The following ZNF727 variants were observed in gnomAD, a reference collection of about 807,000 sequenced individuals.
ZNF727 encodes zinc finger protein 727, also known as putative zinc finger protein 727.
Under a neutral mutation model 11.5 loss-of-function variants are expected in ZNF727, and 11 were observed. The observed-to-expected ratio is 0.95, with a 90% CI of 0.60 to 1.58. ZNF727 has a LOEUF of 1.58. ZNF727 is among the 40% of genes most tolerant of loss of function. The probability of loss-of-function intolerance (pLI) is 0.00; values close to 1 mark genes in which losing one functional copy is unlikely to be tolerated. For missense variants in ZNF727, 533 were observed against 581.7 expected (o/e 0.92, Z 0.86); for synonymous variants, 171 against 196.1 (o/e 0.87, Z 1.07).
intron 1 of ZNF727, among the ~76,000 whole-genome samples, chr7:64,054,281 G>T (rs1403383242): frequency 6.6e-6 from 1 of 152,208 alleles, no homozygotes; most frequent in Non-Finnish European, 1.5e-5. Flanking sequence ...AGGAGAGAAA[G>T]ATGAGGTTGC....
chr7:64,082,840 C>T lies in ZNF727; in HGVS notation c.*4291C>T, dbSNP rs1785813798. ...GATGTTGCTGTGAGCGGAGATTGTG[C>T]CACTGCACTCCAGCCTGGTGAGAGA... On this transcript the variant is annotated 3_prime_UTR_variant, in exon 4 of 4. Transcript: ENST00000456806. 6.6e-6 allele frequency among the ~76,000 whole-genome samples: 1 copy of T among 151,438 alleles called. No homozygotes were observed. The highest frequency in any genetic ancestry group is 2.1e-4 in the South Asian group (1 of 4,806).
At chr7:64,054,410 C>T (rs1321936846) in intron 1 of ZNF727, among the ~76,000 whole-genome samples, 2 of 152,194 alleles carry the variant, frequency 1.3e-5, no homozygotes, top group Non-Finnish European at 2.9e-5. Flanking sequence ...TCCCTACAGG[C>T]ACATAGAGGT....
At chr7:64,053,132 A>G (rs1789628130) in intron 1 of ZNF727, among the ~76,000 whole-genome samples, 1 of 152,062 alleles carries the variant, frequency 6.6e-6, no homozygotes, top group South Asian at 2.1e-4. Flanking sequence ...AAGATACGAG[A>G]TTTAGGAAGG....
At chr7:64,057,336 G>A (rs1789700113) in intron 1 of ZNF727, among the ~76,000 whole-genome samples, 1 of 152,192 alleles carries the variant, frequency 6.6e-6, no homozygotes, top group African/African-American at 2.4e-5. Flanking sequence ...ACTGGATAAA[G>A]AAAATGTGGT....
At chr7:64,069,691 C>T in intron 3 of ZNF727, 82 bp downstream of exon 3, 3 of 1,084,940 alleles carry the variant, frequency 2.8e-6, no homozygotes, top group East Asian at 5.2e-5. Context: ...AACATGCTTC[C>T]AGAAGCTCTG....
intron 1 of ZNF727, among the ~76,000 whole-genome samples, chr7:64,053,615 G>C (rs1270689771): frequency 6.6e-6 from 1 of 151,968 alleles, no homozygotes; most frequent in Non-Finnish European, 1.5e-5. Flanking sequence ...CACTGCACTG[G>C]GCTGAGATCT....
intron 1 of ZNF727, among the ~76,000 whole-genome samples, chr7:64,046,351 A>T (rs575127680): frequency 3.9e-5 from 6 of 152,224 alleles, no homozygotes; most frequent in Admixed American, 3.3e-4. Context: ...CATCTTTAGG[A>T]TATAGTTTCG....
At chr7:64,056,605 A>G (rs980957526) in intron 1 of ZNF727, among the ~76,000 whole-genome samples, 17 of 144,780 alleles carry the variant, frequency 1.2e-4, no homozygotes, top group African/African-American at 4.0e-4. Flanking sequence ...TGAAAATTAA[A>G]ATATTTATCA....
At chr7:64,076,112 TA>T (rs1785652726) in intron 3 of ZNF727, among the ~76,000 whole-genome samples, 1 of 152,196 alleles carries the variant, frequency 6.6e-6, no homozygotes, top group South Asian at 2.1e-4. Flanking sequence ...TATTTGTGTA[TA>T]ATTTTTTATG....
chr7:64,065,451 C>CT (rs1288151180), intron 1 of ZNF727, among the ~76,000 whole-genome samples: 18 of 152,286 alleles, frequency 1.2e-4, no homozygotes, highest in Admixed American at 1.0e-3. Flanking sequence ...CAAAGGCAGA[C>CT]TTTATCTGCA....
Position 64,077,288 on chromosome 7 carries a change from A to G in ZNF727, c.239A>G (p.His80Arg). The change falls in exon 4 of 4, where the codon CAT (histidine) becomes CGT (arginine). Residue 80 changes from histidine (H) to arginine (R), a missense_variant. By Grantham distance (29) the His-to-Arg change is conservative. This residue lies in a region of ZNF727 where 463 missense variants were observed against 494.5 expected (regional missense o/e 0.94). Transcript: ENST00000456806. ...TVAKHPAGSL[H>R]FTAEILLEHD... Reference sequence around the variant, plus strand: ...TTTTTTTTTTCAGCTGGCTCTTTGCATTTTACTGCAGAGATATTGCTGGAG... The same window carrying G: ...TTTTTTTTTTCAGCTGGCTCTTTGCGTTTTACTGCAGAGATATTGCTGGAG... The G allele has an allele frequency of 2.0e-6, 3 of 1,502,824 alleles. No homozygotes were observed. The highest frequency in any genetic ancestry group is 2.7e-6 in the Non-Finnish European group (3 of 1,127,416). 93.1% of individuals were successfully genotyped at this position (1,502,824 alleles called of 1,614,324 possible). A position where few individuals can be genotyped will look rare whatever the true frequency, so the allele number is the denominator to read the frequency against.
intron 3 of ZNF727, among the ~76,000 whole-genome samples, chr7:64,073,818 C>T (rs1043808510): frequency 6.6e-6 from 1 of 152,072 alleles, no homozygotes; most frequent in Non-Finnish European, 1.5e-5. Flanking sequence ...CTTTTGCTTC[C>T]CTAGTTGACT....
intron 3 of ZNF727, 132 bp from the exon 4 acceptor site, chr7:64,077,144 A>G: frequency 6.5e-6 from 6 of 928,112 alleles, no homozygotes; most frequent in East Asian, 5.3e-5. Flanking sequence ...TTATATGTCT[A>G]TAAAGGAAGT....
chr7:64,048,512 AGT>A (rs1490419418), intron 1 of ZNF727, among the ~76,000 whole-genome samples: 3 of 152,226 alleles, frequency 2.0e-5, no homozygotes, highest in Non-Finnish European at 4.4e-5. Flanking sequence ...TCTCGTGCAG[AGT>A]GGAGAATTTG....
chr7:64,059,776 A>G lies in ZNF727; in HGVS notation c.4-9115A>G, dbSNP rs138090350. On this transcript the variant is annotated intron_variant, in intron 1 of 3. Coordinates refer to ENST00000456806, the MANE Select transcript of ZNF727 (RefSeq NM_001159522.3). ...CAAATTATAAATACCAGACTTAATTATCCAACTTGAAGATAAAAGACATTT... is the reference window on the plus strand; with the variant it reads ...CAAATTATAAATACCAGACTTAATTGTCCAACTTGAAGATAAAAGACATTT... Among the ~76,000 whole-genome samples the G allele has an allele frequency of 1.1e-4, 16 of 152,364 alleles. No homozygotes were observed. The East Asian group carries it at 2.5e-3, about 24-fold the overall frequency.
At chr7:64,051,082 G>A (rs2116269873) in intron 1 of ZNF727, among the ~76,000 whole-genome samples, 1 of 152,030 alleles carries the variant, frequency 6.6e-6, no homozygotes, top group East Asian at 1.9e-4. Flanking sequence ...TGAGTAAATA[G>A]TTTTCTTTTT....
intron 1 of ZNF727, among the ~76,000 whole-genome samples, chr7:64,064,923 A>G (rs1789838817): frequency 6.6e-6 from 1 of 152,096 alleles, no homozygotes; most frequent in African/African-American, 2.4e-5. Context: ...ATTTCCAGGG[A>G]ATGGAGGAGG....
chr7:64,063,805 T>C (rs1420392004), intron 1 of ZNF727, among the ~76,000 whole-genome samples: 1 of 152,108 alleles, frequency 6.6e-6, no homozygotes, highest in Non-Finnish European at 1.5e-5. Flanking sequence ...CTTGGTGCCC[T>C]ATTCTGCTGT....
At chr7:64,069,431 C>T in intron 2 of ZNF727, 83 bp from the exon 3 acceptor site, 1 of 1,123,600 alleles carries the variant, frequency 8.9e-7, no homozygotes, top group Non-Finnish European at 1.3e-6. Flanking sequence ...CTATAATGTT[C>T]TCTCTTCTCT....
Sources: allele counts gnomAD v4.1 joint callset (sites outside exome capture counted in the v4.1 genomes callset), GRCh38; gene constraint gnomAD v4.1.1; regional missense constraint gnomAD v4.1.1; transcripts MANE v1.5; gene names NCBI Gene and HGNC (gene_info 2026-07-23, HGNC 2026-07-21).